Variants in FBXW8 observed in about 807,000 individuals in gnomAD.
The protein encoded by FBXW8 is F-box and WD repeat domain containing 8, also known as F-box/WD repeat-containing protein 8.
In FBXW8, 57 loss-of-function variants were observed where a neutral mutation model predicts 65.3. The ratio of observed to expected loss-of-function variants is 0.87; its 90% confidence interval spans 0.71 to 1.09. The LOEUF (loss-of-function observed/expected upper bound fraction) is 1.09, where lower values mean the gene tolerates loss of function less well. Ranked by LOEUF, FBXW8 falls within the 50% of genes least tolerant of loss-of-function variation. FBXW8 has a pLI of 0.00. For synonymous variants in FBXW8, 308 were observed against 330.2 expected (o/e 0.93, Z 0.73); for missense variants, 777 against 814.8 (o/e 0.95, Z 0.57).
chr12:117,021,547 G>GTGAT (rs1385915818), intron 8 of FBXW8, among the ~76,000 whole-genome samples: 2 of 152,176 alleles, frequency 1.3e-5, no homozygotes, highest in Non-Finnish European at 2.9e-5. Flanking sequence ...TGTAATATAT[G>GTGAT]TGATTGATAG....
At chr12:116,946,505 T>G (rs962156046) in intron 3 of FBXW8, among the ~76,000 whole-genome samples, 2 of 152,144 alleles carry the variant, frequency 1.3e-5, no homozygotes, top group African/African-American at 4.8e-5. Context: ...CCTCTCCCCA[T>G]TAGACGCCAG....
intron 2 of FBXW8, among the ~76,000 whole-genome samples, chr12:116,928,576 AC>A (rs1271099326): frequency 3.9e-5 from 6 of 152,286 alleles, no homozygotes; most frequent in Middle Eastern, 3.4e-3. Flanking sequence ...AGTCCAAATT[AC>A]CCTTTAAACT....
chr12:117,027,077 G>C (rs568087504), intron 9 of FBXW8, among the ~76,000 whole-genome samples: 3 of 152,340 alleles, frequency 2.0e-5, no homozygotes, highest in Non-Finnish European at 4.4e-5. Flanking sequence ...GCCAGTCTCT[G>C]TTGCATGTGG....
rs1879871071 is a variant in FBXW8 at position 116,911,030 on chromosome 12, C to T, written c.-8C>T. The T allele has an allele frequency of 1.4e-6, 2 of 1,408,538 alleles. No homozygotes were observed. Among genetic ancestry groups the T allele is most frequent in the Non-Finnish European group, 9.2e-7 (1 of 1,085,376 alleles). The allele number at this position is 1,408,538 out of a possible 1,614,324, so 87.3% of individuals were successfully genotyped here. On this transcript the variant is annotated 5_prime_UTR_variant, in exon 1 of 11. Transcript: ENST00000652555. ...CGAGGAGAACGTGGAGCGCCGGGAGCGGCGAATATGGACGACTACAGCCTG... is the reference window on the plus strand; with the variant it reads ...CGAGGAGAACGTGGAGCGCCGGGAGTGGCGAATATGGACGACTACAGCCTG...
At chr12:116,994,322 A>G (rs746909120) in intron 7 of FBXW8, among the ~76,000 whole-genome samples, 1 of 152,244 alleles carries the variant, frequency 6.6e-6, no homozygotes, top group Non-Finnish European at 1.5e-5. Context: ...AAAGTATGGT[A>G]CTGGTGTAAA....
intron 4 of FBXW8, among the ~76,000 whole-genome samples, chr12:116,958,860 G>A (rs1172965713): frequency 2.6e-5 from 4 of 152,214 alleles, no homozygotes; most frequent in African/African-American, 4.8e-5. Context: ...TTTCTGGTAA[G>A]CTGGATGAAA....
At position 116,971,479 on chromosome 12, in the gene FBXW8, C is replaced by T. The variant is rs2137405479; in HGVS notation, c.835+6625C>T. ...ATATCTAGGATGTTAGAGATTGTTT[C>T]ACAGACAGGCCACAGAGACTGTATT... is the stretch of plus-strand genomic sequence containing the variant. On this transcript the variant is annotated intron_variant, in intron 5 of 10. Coordinates refer to ENST00000652555, the MANE Select transcript of FBXW8 (RefSeq NM_153348.3). Among the ~76,000 whole-genome samples the T allele has an allele frequency of 1.3e-5, 2 of 152,028 alleles. 1 individual carries two copies. Among genetic ancestry groups the T allele is most frequent in the South Asian group, 4.2e-4 (2 of 4,806 alleles).
In FBXW8 at chr12:117,024,320, G is replaced by A; in HGVS notation, c.1541G>A (p.Gly514Glu). The change falls in exon 9 of 11, where the codon GGG becomes GAG. Residue 514 changes from glycine to glutamate, a missense_variant and splice_region_variant. Transcript: ENST00000652555. ...CAGAAGCTGTGGGAGGTGTATTCCG[G>A]GTAAGGTGCATTCTAGACACTCTTG... ...MNQKLWEVYS[G>E]HPVQHISFSS... is the part of the protein sequence containing the mutation. The A allele has an allele frequency of 6.2e-7, 1 of 1,614,104 alleles. No individual in the cohort carries two copies. Among genetic ancestry groups the A allele is most frequent in the Non-Finnish European group, 8.5e-7 (1 of 1,179,978 alleles).
At chr12:116,988,502 T>A (rs575679924) in intron 6 of FBXW8, among the ~76,000 whole-genome samples, 161 bp from the exon 7 acceptor site, 1 of 152,376 alleles carries the variant, frequency 6.6e-6, no homozygotes, top group East Asian at 1.9e-4. Context: ...ATCTTTTCTG[T>A]TGTGTAAGAG....
chr12:116,939,472 G>A (rs765587885), intron 2 of FBXW8, among the ~76,000 whole-genome samples: 14 of 152,186 alleles, frequency 9.2e-5, no homozygotes, highest in Non-Finnish European at 1.5e-4. Context: ...TCATTTGAGC[G>A]TGGAATCCTT....
chr12:117,002,450 C>A (rs1013336049), intron 7 of FBXW8: 4 of 152,188 alleles, frequency 2.6e-5, no homozygotes, highest in Non-Finnish European at 4.4e-5. Flanking sequence ...TTGCAGGGAA[C>A]GTTGAGGGGG....
At chr12:116,916,099 A>C (rs3935958) in intron 1 of FBXW8, among the ~76,000 whole-genome samples, 3,144 of 152,206 alleles carry the variant, frequency 0.021, 88 homozygotes, top group African/African-American at 0.065. Flanking sequence ...CATCTTATCT[A>C]CTGTTGATGG....
At chr12:116,969,666 G>A (rs1884534834) in intron 5 of FBXW8, among the ~76,000 whole-genome samples, 1 of 151,838 alleles carries the variant, frequency 6.6e-6, no homozygotes, top group African/African-American at 2.4e-5. Flanking sequence ...TTGTGCCAAA[G>A]TGAGGCTCTG....
At chr12:116,945,233 G>T in intron 2 of FBXW8, 131 bp from the exon 3 acceptor site, 1 of 782,692 alleles carries the variant, frequency 1.3e-6, no homozygotes, top group Non-Finnish European at 2.0e-6. Flanking sequence ...CCACCTCATA[G>T]TGTTTTGTTA....
chr12:116,911,232 GC>G lies in FBXW8; in HGVS notation c.200del (p.Pro67ArgfsTer13). On this transcript the variant is annotated frameshift_variant, in exon 1 of 11. Transcript: ENST00000652555. LOFTEE classifies it high-confidence loss of function. ...AGCGTCTCCTGGAGGGCGCGGGGAG[GC>G]CCCCGGCGGCGCGGGCGACTCGGGC... ...AQRLLEGAGRPPAARATRAEG... is the reference protein window; with the variant it reads ...AQRLLEGAGRXPAARATRAEG... 2 of 1,240,724 alleles carry G rather than the reference GC, an allele frequency of 1.6e-6. No homozygotes were observed. The highest frequency in any genetic ancestry group is 2.0e-6 in the Non-Finnish European group (2 of 994,444). 76.9% of individuals were successfully genotyped at this position (1,240,724 alleles called of 1,614,324 possible).
intron 1 of FBXW8, among the ~76,000 whole-genome samples, chr12:116,918,019 C>T (rs958796667): frequency 2.7e-5 from 4 of 149,794 alleles, no homozygotes; most frequent in Admixed American, 6.7e-5. Context: ...AAAAAAACAA[C>T]GCAGGACTCC....
At position 116,912,569 on chromosome 12, in the gene FBXW8, C is replaced by G. The variant is rs545065397; in HGVS notation, c.318+1214C>G. Reference sequence around the variant, plus strand: ...CCGCCTCCTAGGTTCACGCCATTCTCCTGCCTCAGCCTCCCCAGTAGCTGG... The same window carrying G: ...CCGCCTCCTAGGTTCACGCCATTCTGCTGCCTCAGCCTCCCCAGTAGCTGG... On this transcript the variant is annotated intron_variant, in intron 1 of 10. Coordinates refer to ENST00000652555, the MANE Select transcript of FBXW8 (RefSeq NM_153348.3). Among the ~76,000 whole-genome samples the G allele has an allele frequency of 1.6e-4, 24 of 151,550 alleles. 1 individual carries two copies. In the South Asian group the frequency reaches 5.0e-3, roughly 32 times the overall value.
At chr12:116,940,545 T>C (rs1882495836) in intron 2 of FBXW8, among the ~76,000 whole-genome samples, 1 of 148,554 alleles carries the variant, frequency 6.7e-6, no homozygotes, top group Non-Finnish European at 1.5e-5. Context: ...CCCTGAAGAA[T>C]CATGAGGACC....
chr12:116,921,362 C>G (rs536782780), intron 1 of FBXW8, among the ~76,000 whole-genome samples: 3 of 152,176 alleles, frequency 2.0e-5, no homozygotes, highest in African/African-American at 7.2e-5. Flanking sequence ...TGTTAAGAGA[C>G]GAATTGTTTT....
Sources: allele counts gnomAD v4.1 joint callset (sites outside exome capture counted in the v4.1 genomes callset), GRCh38; gene constraint gnomAD v4.1.1; transcripts MANE v1.5; gene names NCBI Gene and HGNC (gene_info 2026-07-23, HGNC 2026-07-21).